Variants in TEX15 observed in about 807,000 individuals in gnomAD.
TEX15 encodes testis-expressed protein 15.
TEX15 carries 171 observed loss-of-function variants against 237.3 expected under a neutral mutation model. The observed-to-expected ratio is 0.72, with a 90% CI of 0.64 to 0.82. The LOEUF is 0.82. TEX15 is among the 40% of genes least tolerant of loss of function. TEX15 has a pLI of 0.00. For missense variants in TEX15, 3,750 were observed against 3,646.5 expected, an observed-to-expected ratio of 1.03 and a Z score of -0.73; for synonymous variants, 1,338 against 1,269.8, an observed-to-expected ratio of 1.05 and a Z score of -1.14.
At chr8:30,835,892 T>G in intron 10 of TEX15, among the ~76,000 whole-genome samples, 1 of 152,208 alleles carries the variant, frequency 6.6e-6, no homozygotes, top group Non-Finnish European at 1.5e-5. Context: ...AGATACTGTA[T>G]TAGATAACTG....
At chr8:30,899,490 T>C (rs1808967302) in intron 1 of TEX15, among the ~76,000 whole-genome samples, 1 of 152,130 alleles carries the variant, frequency 6.6e-6, no homozygotes, top group African/African-American at 2.4e-5. Context: ...ATCACCCAGG[T>C]TGGAGTACAG....
chr8:30,842,823 G>C lies in TEX15; in HGVS notation c.7344C>G (p.Ile2448Met), dbSNP rs139370287. The C allele has an allele frequency of 2.0e-5, 33 of 1,612,940 alleles. No individual in the cohort carries two copies. In the Admixed American group the frequency reaches 3.5e-4, roughly 17 times the overall value. ...AGTGAATTGTTTCTGAGACCATGAC[G>C]ATTTCAATATACATTTCAATAGCTT... ...KPEAIEMYIE[I>M]VMVSETIHFL... is the part of the protein sequence containing the mutation. Residue 2448 changes from isoleucine (I) to methionine (M), a missense_variant, in exon 8 of 11, where the codon ATC (isoleucine) becomes ATG (methionine). Ile to Met is a conservative substitution (Grantham distance 10). Coordinates refer to ENST00000643185, the MANE Select transcript of TEX15 (RefSeq NM_001350162.2).
chr8:30,860,085 T>C, intron 5 of TEX15, 28 bp from the exon 6 acceptor site: 1 of 1,422,588 alleles, frequency 7.0e-7, no homozygotes, highest in Non-Finnish European at 9.2e-7. Context: ...AAAAAAAAAG[T>C]ACGTAAAAAT....
chr8:30,911,205 A>T (rs1809210470), intron 1 of TEX15, among the ~76,000 whole-genome samples: 1 of 152,138 alleles, frequency 6.6e-6, no homozygotes, highest in Non-Finnish European at 1.5e-5. Flanking sequence ...CTGCAGCCTC[A>T]AACTCCCAGA....
In TEX15 at chr8:30,834,937, C is replaced by T. The variant is rs544724155; in HGVS notation, c.9482-1614G>A. 4.3e-4 allele frequency among the ~76,000 whole-genome samples: 66 copies of T among 152,244 alleles called. 1 individual carries two copies. In the South Asian group the frequency reaches 0.013, roughly 30 times the overall value. ...TCCTACGGCCTCTCAGTTTTTTCTA[C>T]ATATCCATTTGTAACAATATCCAGG... On this transcript the variant is annotated intron_variant, in intron 10 of 10. Coordinates refer to ENST00000643185, the MANE Select transcript of TEX15 (RefSeq NM_001350162.2).
In TEX15 at chr8:30,890,520, T is replaced by G. The variant is rs937747338; in HGVS notation, c.-9-3209A>C. The G allele has an allele frequency of 2.0e-5, 3 of 152,298 alleles. No homozygotes were observed. The East Asian group carries it at 5.8e-4, about 29-fold the overall frequency. 9.4% of individuals were successfully genotyped at this position (152,298 alleles called of 1,614,324 possible). ...CTCCTTTGATTTCTACCTCCATTAC[T>G]CTACCTAAATAGCAATCTTCAAAGT... On this transcript the variant is annotated intron_variant, in intron 2 of 10. Coordinates refer to ENST00000643185, the MANE Select transcript of TEX15 (RefSeq NM_001350162.2).
At chr8:30,878,534 C>T (rs963715295) in intron 3 of TEX15, among the ~76,000 whole-genome samples, 2 of 152,070 alleles carry the variant, frequency 1.3e-5, no homozygotes, top group Admixed American at 6.6e-5. Context: ...CAGGCATGCG[C>T]CACCATGCCG....
rs1181090245 is a variant in TEX15 at position 30,843,682 on chromosome 8, G to C, written c.6485C>G (p.Ser2162Ter). Residue 2162 changes from serine (S) to a stop codon, truncating the protein, a stop_gained, in exon 8 of 11, where the codon TCA (serine) becomes TGA (stop). Transcript: ENST00000643185. LOFTEE classifies it high-confidence loss of function. The stretch of plus-strand genomic sequence containing the variant: ...TTTGTACTTTAAGAATACATAGTAT[G>C]AATTCTTTTCCCTTTTTGTTTCTTC... ...LLEETKREKN[S>*]YYVFLKYKRQ... The C allele has an allele frequency of 6.2e-7, 1 of 1,603,856 alleles. No individual in the cohort carries two copies. The highest frequency in any genetic ancestry group is 8.5e-7 in the Non-Finnish European group (1 of 1,173,106).
rs571259257 is a variant in TEX15, at chr8:30,860,741, G to A, written c.541-684C>T. 1.7e-3 allele frequency among the ~76,000 whole-genome samples: 263 copies of A among 151,656 alleles called. 1 individual carries two copies. Among genetic ancestry groups the A allele is most frequent in the African/African-American group, 6.3e-3 (259 of 41,352 alleles). ...ATTTTTGTATTTTTAGTAGAGATGG[G>A]GTTTTGCCATGTTGGCCAGGCTGGG... On this transcript the variant is annotated intron_variant, in intron 5 of 10. Transcript: ENST00000643185.
chr8:30,849,130 A>G lies in TEX15; in HGVS notation c.1037T>C (p.Val346Ala). The G allele has an allele frequency of 1.9e-6, 3 of 1,590,448 alleles. No homozygotes were observed. The highest frequency in any genetic ancestry group is 1.7e-6 in the Non-Finnish European group (2 of 1,168,618). ...ISNISNSYGN[V>A]QNGNISIPET... is the part of the protein sequence containing the mutation. ...AGGTATAGAAATGTTTCCATTTTGT[A>G]CATTTCCATAGGAGTTAGAAATATT... The change falls in exon 8 of 11, where the codon GTA becomes GCA. Residue 346 changes from valine (V) to alanine (A), a missense_variant. By Grantham distance (64) the Val-to-Ala change is moderately conservative. Transcript: ENST00000643185.
At chr8:30,905,433 T>C (rs2128779805) in intron 1 of TEX15, among the ~76,000 whole-genome samples, 1 of 152,290 alleles carries the variant, frequency 6.6e-6, no homozygotes, top group African/African-American at 2.4e-5. Context: ...TCATATTAAA[T>C]ACCAGATCAC....
chr8:30,876,528 A>G (rs1226081493), intron 3 of TEX15, among the ~76,000 whole-genome samples: 1 of 152,140 alleles, frequency 6.6e-6, no homozygotes, highest in Non-Finnish European at 1.5e-5. Flanking sequence ...GAGTTTCATC[A>G]GGCACTACAG....
chr8:30,868,876 T>C (rs1363047101), intron 4 of TEX15, among the ~76,000 whole-genome samples: 2 of 151,602 alleles, frequency 1.3e-5, no homozygotes, highest in East Asian at 3.9e-4. Context: ...TTTTTTTTTT[T>C]TTTTTAACCT....
intron 7 of TEX15, among the ~76,000 whole-genome samples, chr8:30,854,555 C>G (rs144171222): frequency 6.6e-6 from 1 of 152,004 alleles, no homozygotes; most frequent in East Asian, 1.9e-4. Flanking sequence ...TGAAGTCTAC[C>G]AAATGTTTAA....
chr8:30,884,314 A>C (rs1398735744), intron 3 of TEX15, among the ~76,000 whole-genome samples: 1 of 152,106 alleles, frequency 6.6e-6, no homozygotes, highest in Non-Finnish European at 1.5e-5. Flanking sequence ...TAAGTTCTTT[A>C]ACTTGTTTTG....
intron 2 of TEX15, among the ~76,000 whole-genome samples, chr8:30,889,124 T>C (rs1386044420): frequency 1.3e-5 from 2 of 152,236 alleles, no homozygotes; most frequent in Non-Finnish European, 2.9e-5. Context: ...TGAATATACT[T>C]TACTTGAACA....
In TEX15 at chr8:30,841,592, T is replaced by C. The variant is rs562531064; in HGVS notation, c.8163+412A>G. 3.9e-5 allele frequency among the ~76,000 whole-genome samples: 6 copies of C among 152,348 alleles called. No homozygotes were observed. The East Asian group carries it at 5.8e-4, about 15-fold the overall frequency. On this transcript the variant is annotated intron_variant, in intron 8 of 10. Transcript: ENST00000643185. ...TCCTATTTCTCCATTGGGATGATAA[T>C]GGTCAAGAAGACAGGCTTTGTTAGC...
At chr8:30,875,244 G>T in intron 3 of TEX15, 142 bp from the exon 4 acceptor site, 1 of 475,118 alleles carries the variant, frequency 2.1e-6, no homozygotes, top group Non-Finnish European at 3.3e-6. Context: ...TTGTATTTAA[G>T]ATTCTACAAC....
Position 30,844,051 on chromosome 8 carries a change from T to C in TEX15, c.6116A>G (p.Glu2039Gly). Residue 2039 changes from glutamate (E) to glycine (G), a missense_variant, in exon 8 of 11, where the codon GAA becomes GGA. Physicochemically the swap from Glu to Gly is moderately conservative, Grantham distance 98 (BLOSUM62 -2). Coordinates refer to ENST00000643185, the MANE Select transcript of TEX15 (RefSeq NM_001350162.2). ...AATCAGGATTTGTTCAACTGAACAT[T>C]CTTGCTTTCTTTCAAAAGCTTCCAC... ...LFVEAFERKQ[E>G]CSVEQILISR... 6.2e-7 allele frequency: 1 copy of C among 1,611,956 alleles called. No homozygotes were observed.
Sources: gnomAD v4.1 joint callset for allele counts (sites outside exome capture counted in the v4.1 genomes callset) on GRCh38, gnomAD v4.1.1 for gene constraint, MANE v1.5 for transcripts, NCBI Gene and HGNC (gene_info 2026-07-23, HGNC 2026-07-21) for gene names.